DPY19L1: variants seen among roughly 807,000 people sequenced by gnomAD.
DPY19L1 encodes the protein dpy-19 like C-mannosyltransferase 1.
In DPY19L1, 35 loss-of-function variants were observed where a neutral mutation model predicts 96.9. The ratio of observed to expected loss-of-function variants is 0.36; its 90% CI spans 0.28 to 0.48. The LOEUF is 0.48. DPY19L1 is among the 20% of genes least tolerant of loss of function. DPY19L1 has a pLI of 0.99. For synonymous variants in DPY19L1, 205 were observed against 252.6 expected (o/e 0.81, Z 1.79); for missense variants, 521 against 777.9 (o/e 0.67, Z 3.93).
chr7:35,012,423 A>G (rs1219045911), intron 4 of DPY19L1, among the ~76,000 whole-genome samples: 1 of 152,182 alleles, frequency 6.6e-6, no homozygotes, highest in African/African-American at 2.4e-5. Context: ...CAGGACCTCA[A>G]CCTAAGGCAA....
At chr7:35,006,587 C>A (rs1785562510) in intron 6 of DPY19L1, among the ~76,000 whole-genome samples, 1 of 152,040 alleles carries the variant, frequency 6.6e-6, no homozygotes, top group African/African-American at 2.4e-5. Context: ...TTATGAAATA[C>A]ATAACGTAAG....
At chr7:35,023,431 G>A (rs369202172) in intron 1 of DPY19L1, among the ~76,000 whole-genome samples, 154 of 152,318 alleles carry the variant, frequency 1.0e-3, no homozygotes, top group African/African-American at 3.4e-3. Context: ...GTAACCTGCA[G>A]GCTGCTCTCC....
chr7:34,990,843 C>G (rs551130347), intron 6 of DPY19L1, among the ~76,000 whole-genome samples: 17 of 152,138 alleles, frequency 1.1e-4, no homozygotes, highest in Non-Finnish European at 2.2e-4. Context: ...ATCTACCTTC[C>G]TTTTATTTCT....
At chr7:34,984,986 T>C (rs1444099754) in intron 7 of DPY19L1, among the ~76,000 whole-genome samples, 1 of 152,056 alleles carries the variant, frequency 6.6e-6, no homozygotes, top group Non-Finnish European at 1.5e-5. Flanking sequence ...ATCTCAAGCA[T>C]CAAAAAGTAC....
intron 7 of DPY19L1, among the ~76,000 whole-genome samples, chr7:34,985,500 T>C (rs1232044055): frequency 6.6e-6 from 1 of 151,676 alleles, no homozygotes; most frequent in Non-Finnish European, 1.5e-5. Context: ...ACTCAATTTT[T>C]AAAATGGGCA....
At chr7:34,932,614 G>A (rs990201488) in intron 21 of DPY19L1, among the ~76,000 whole-genome samples, 2 of 152,188 alleles carry the variant, frequency 1.3e-5, no homozygotes, top group African/African-American at 4.8e-5. Flanking sequence ...AATTCTGGTA[G>A]TGTTGAGCAT....
chr7:34,931,608 T>C lies in DPY19L1; in HGVS notation c.2212A>G (p.Ser738Gly). Residue 738 changes from serine (S) to glycine (G), a missense_variant, in exon 22 of 22, where the codon AGT becomes GGT. Ser to Gly is a moderately conservative substitution (Grantham distance 56). Coordinates refer to ENST00000638088, the MANE Select transcript of DPY19L1 (RefSeq NM_001366673.1). Reference sequence around the variant, plus strand: ...ACAACTTCTAGGACTTTGTAAACACTGTTCTGGAATACAGTGGTGAAGTGA... The same window carrying C: ...ACAACTTCTAGGACTTTGTAAACACCGTTCTGGAATACAGTGGTGAAGTGA... Reference protein sequence around the residue: ...KPHFTTVFQNSVYKVLEVVKE With the variant: ...KPHFTTVFQNGVYKVLEVVKE 1 of 1,556,028 alleles carries C rather than the reference T, an allele frequency of 6.4e-7. No individual in the cohort carries two copies. The highest frequency in any genetic ancestry group is 1.3e-5 in the South Asian group (1 of 79,104).
At chr7:34,938,763 C>T (rs1783927218) in intron 20 of DPY19L1, among the ~76,000 whole-genome samples, 1 of 152,008 alleles carries the variant, frequency 6.6e-6, no homozygotes, top group Admixed American at 6.5e-5. Flanking sequence ...AAAATTTGGA[C>T]AACACATCTC....
chr7:34,995,916 T>TG (rs376431818), intron 6 of DPY19L1, among the ~76,000 whole-genome samples: 1,140 of 65,286 alleles, frequency 0.017, 12 homozygotes, highest in African/African-American at 0.063. Context: ...ATGGCGGCGG[T>TG]GGGGGGGGCG....
chr7:34,974,907 T>C (rs563454169), intron 7 of DPY19L1, among the ~76,000 whole-genome samples: 1 of 152,308 alleles, frequency 6.6e-6, no homozygotes, highest in Non-Finnish European at 1.5e-5. Context: ...CGGTGATCTG[T>C]GATCAGTAAT....
At chr7:34,963,377 G>GT (rs921832644) in intron 10 of DPY19L1, among the ~76,000 whole-genome samples, 2 of 152,130 alleles carry the variant, frequency 1.3e-5, no homozygotes, top group Non-Finnish European at 2.9e-5. Flanking sequence ...CTCGTGCACT[G>GT]TTTACAGGAA....
At chr7:35,030,872 A>G (rs1248032304) in intron 1 of DPY19L1, among the ~76,000 whole-genome samples, 1 of 152,150 alleles carries the variant, frequency 6.6e-6, no homozygotes, top group Non-Finnish European at 1.5e-5. Flanking sequence ...ACTGCCCTTT[A>G]TGAGATTAAA....
At chr7:34,941,674 C>T (rs571167401) in intron 18 of DPY19L1, 91 bp downstream of exon 18, 9 of 1,124,570 alleles carry the variant, frequency 8.0e-6, no homozygotes, top group Middle Eastern at 2.4e-4. Context: ...ACTATAATCA[C>T]TTAAAAGACT....
chr7:34,960,482 T>C (rs1213513481), intron 10 of DPY19L1, among the ~76,000 whole-genome samples: 1 of 152,172 alleles, frequency 6.6e-6, no homozygotes, highest in Non-Finnish European at 1.5e-5. Context: ...TAAATATGCA[T>C]CAATGAATAT....
At chr7:34,976,531 G>A (rs1160835629) in intron 7 of DPY19L1, among the ~76,000 whole-genome samples, 1 of 152,204 alleles carries the variant, frequency 6.6e-6, no homozygotes, top group Non-Finnish European at 1.5e-5. Context: ...TAAAGCAGTG[G>A]CAGGGTTTGG....
intron 6 of DPY19L1, among the ~76,000 whole-genome samples, chr7:35,010,211 C>T (rs188836463): frequency 2.7e-4 from 41 of 152,108 alleles, no homozygotes; most frequent in Admixed American, 2.6e-4. Flanking sequence ...GCCTGGGTGA[C>T]AGAGTGAGAC....
At position 34,954,684 on chromosome 7, in the gene DPY19L1, A is replaced by T. The variant is rs1784339995; in HGVS notation, c.1320+14T>A. The T allele has an allele frequency of 6.7e-7, 1 of 1,488,876 alleles. No homozygotes were observed. Among genetic ancestry groups the T allele is most frequent in the African/African-American group, 1.4e-5 (1 of 71,896 alleles). The allele number at this position is 1,488,876 out of a possible 1,614,324, so 92.2% of individuals were successfully genotyped here. A position where few individuals can be genotyped will look rare whatever the true frequency, so the allele number is the denominator to read the frequency against. ...TTTTCAAGTCTTTCAAATTTAAGTA[A>T]AAAATGCACTTACGTCATCTGCAAT... On this transcript the variant is annotated intron_variant, in intron 13 of 21. Coordinates refer to ENST00000638088, the MANE Select transcript of DPY19L1 (RefSeq NM_001366673.1).
chr7:34,964,151 TA>T (rs1784562313), intron 10 of DPY19L1, among the ~76,000 whole-genome samples: 1 of 152,200 alleles, frequency 6.6e-6, no homozygotes, highest in South Asian at 2.1e-4. Flanking sequence ...TAATTCTATA[TA>T]TTTTTTTCTT....
chr7:35,035,922 CG>C (rs1786386037), intron 1 of DPY19L1, among the ~76,000 whole-genome samples: 3 of 148,184 alleles, frequency 2.0e-5, no homozygotes, highest in Non-Finnish European at 4.5e-5. Context: ...AAAAAGGGGG[CG>C]GGGGGAAATG....
Sources: allele counts gnomAD v4.1 joint callset (sites outside exome capture counted in the v4.1 genomes callset), GRCh38; gene constraint gnomAD v4.1.1; transcripts MANE v1.5; gene names NCBI Gene and HGNC (gene_info 2026-07-23, HGNC 2026-07-21).